Variants in TULP4 observed in about 807,000 individuals in gnomAD.
TULP4 encodes the protein TUB like protein 4.
TULP4 carries 16 observed loss-of-function variants against 129.0 expected under a neutral mutation model. The observed-to-expected ratio is 0.12, with a 90% CI of 0.08 to 0.19. TULP4 has a LOEUF of 0.19. TULP4 is among the 10% of genes least tolerant of loss of function. The probability of loss-of-function intolerance (pLI) is 1.00; values close to 1 mark genes in which losing one functional copy is unlikely to be tolerated. For missense variants in TULP4, 1,842 were observed against 2,059.1 expected (o/e 0.89, Z 2.04); for synonymous variants, 998 against 854.0 (o/e 1.17, Z -2.94).
intron 2 of TULP4, among the ~76,000 whole-genome samples, chr6:158,418,377 G>A (rs974154425): frequency 6.6e-6 from 1 of 150,392 alleles, no homozygotes; most frequent in Non-Finnish European, 1.5e-5. Context: ...CAAAGTGCTG[G>A]AATTGCAGGC....
chr6:158,386,585 T>C (rs908331798), intron 1 of TULP4, among the ~76,000 whole-genome samples: 2 of 152,248 alleles, frequency 1.3e-5, no homozygotes, highest in Non-Finnish European at 2.9e-5. Context: ...AACTGTTATA[T>C]GTAAGAAAGA....
intron 1 of TULP4, among the ~76,000 whole-genome samples, chr6:158,340,311 G>C (rs1025938295): frequency 1.3e-5 from 2 of 152,132 alleles, no homozygotes; most frequent in African/African-American, 2.4e-5. Context: ...CCTAAGTGTT[G>C]AGTATAATCA....
chr6:158,502,270 C>T lies in TULP4; in HGVS notation c.2607C>T (p.Asp869=). The change falls in exon 13 of 14, where the codon GAC becomes GAT. Residue 869 remains aspartate (D), a synonymous_variant. Coordinates refer to ENST00000367097, the MANE Select transcript of TULP4 (RefSeq NM_020245.5). ...PPVDVCLKKG[D]FSLYPTSVHY... ...TGGATGTGTGCTTGAAGAAGGGCGA[C>T]TTCTCCCTCTACCCCACGTCAGTGC... 6.2e-7 allele frequency: 1 copy of T among 1,608,764 alleles called. No individual in the cohort carries two copies. Among genetic ancestry groups the T allele is most frequent in the Non-Finnish European group, 8.5e-7 (1 of 1,177,438 alleles).
At chr6:158,393,409 G>A (rs539357237) in intron 1 of TULP4, among the ~76,000 whole-genome samples, 1 of 152,240 alleles carries the variant, frequency 6.6e-6, no homozygotes, top group Non-Finnish European at 1.5e-5. Context: ...CCCCAGTGGG[G>A]ACTCTGTGTG....
At chr6:158,289,708 G>T (rs1261221207) in intron 1 of TULP4, among the ~76,000 whole-genome samples, 1 of 151,840 alleles carries the variant, frequency 6.6e-6, no homozygotes, top group Non-Finnish European at 1.5e-5. Flanking sequence ...AGCCTTCTGA[G>T]AAGCTGGGAC....
At chr6:158,249,651 C>T (rs558626134) in intron 1 of TULP4, among the ~76,000 whole-genome samples, 8 of 152,272 alleles carry the variant, frequency 5.3e-5, no homozygotes, top group Non-Finnish European at 1.2e-4. Context: ...CTGTGACAGC[C>T]GGGTCTGTGT....
intron 1 of TULP4, among the ~76,000 whole-genome samples, chr6:158,239,099 CAGA>C (rs1777792447): frequency 8.5e-6 from 1 of 117,144 alleles, no homozygotes. Context: ...GCTGGCCGGG[CAGA>C]GGGGCTCCTC....
upstream of TULP4, among the ~76,000 whole-genome samples, chr6:158,309,539 C>T (rs961128367): frequency 6.6e-5 from 10 of 151,636 alleles, no homozygotes; most frequent in East Asian, 2.0e-4. Context: ...CCAAGGCAGG[C>T]GGCTGGGAGA....
At chr6:158,494,175 C>A (rs537007248) in intron 10 of TULP4, among the ~76,000 whole-genome samples, 2 of 152,288 alleles carry the variant, frequency 1.3e-5, no homozygotes, top group East Asian at 1.9e-4. Context: ...CCCTGGTTTG[C>A]CGGGAGAGGC....
chr6:158,436,453 A>G (rs1324381545), intron 3 of TULP4, among the ~76,000 whole-genome samples: 2 of 152,222 alleles, frequency 1.3e-5, no homozygotes, highest in Non-Finnish European at 2.9e-5. Context: ...TGGATGAAAG[A>G]ATGTAGGTAA....
At chr6:158,338,353 C>T (rs898636010) in intron 1 of TULP4, among the ~76,000 whole-genome samples, 4 of 152,162 alleles carry the variant, frequency 2.6e-5, no homozygotes, top group Admixed American at 2.0e-4. Flanking sequence ...TGAATAATAA[C>T]AATCAAAAAC....
intron 1 of TULP4, among the ~76,000 whole-genome samples, chr6:158,255,826 A>G (rs1158621093): frequency 6.6e-6 from 1 of 152,222 alleles, no homozygotes; most frequent in African/African-American, 2.4e-5. Flanking sequence ...AACTGATGCA[A>G]TAGCTGTCAT....
At chr6:158,486,902 G>A (rs982267782) in intron 8 of TULP4, among the ~76,000 whole-genome samples, 3 of 152,130 alleles carry the variant, frequency 2.0e-5, no homozygotes, top group Non-Finnish European at 4.4e-5. Context: ...CCTGAGCTCA[G>A]TAGTTCAAGA....
intron 1 of TULP4, among the ~76,000 whole-genome samples, chr6:158,263,931 C>T (rs1197351963): frequency 6.6e-6 from 1 of 151,536 alleles, no homozygotes; most frequent in African/African-American, 2.4e-5. Flanking sequence ...GGCGTGGTGG[C>T]AGGTGCCTGT....
chr6:158,285,802 C>T (rs552564115), intron 1 of TULP4, among the ~76,000 whole-genome samples: 2 of 152,054 alleles, frequency 1.3e-5, no homozygotes, highest in Admixed American at 6.6e-5. Context: ...ATCTGTTGGC[C>T]GAGGGTCAGG....
chr6:158,273,513 G>T (rs550832156), intron 1 of TULP4, among the ~76,000 whole-genome samples: 1 of 152,318 alleles, frequency 6.6e-6, no homozygotes, highest in Non-Finnish European at 1.5e-5. Flanking sequence ...TCAGATGCAA[G>T]TGTCCAGCTA....
chr6:158,380,784 C>T (rs2114912621), intron 1 of TULP4, among the ~76,000 whole-genome samples: 1 of 150,512 alleles, frequency 6.6e-6, no homozygotes, highest in East Asian at 2.0e-4. Flanking sequence ...GTCCCAGCTA[C>T]TCAGAAGGCT....
intron 6 of TULP4, among the ~76,000 whole-genome samples, chr6:158,469,454 G>A (rs1266503397): frequency 6.6e-6 from 1 of 151,706 alleles, no homozygotes; most frequent in Non-Finnish European, 1.5e-5. Context: ...TGTATTTTTT[G>A]GTAGAGACAG....
Position 158,502,537 on chromosome 6 carries a change from A to G in TULP4, c.2874A>G (p.Pro958=), listed in dbSNP as rs1378025742. The change falls in exon 13 of 14, where the codon CCA becomes CCG. Residue 958 remains proline (P), a synonymous_variant. Coordinates refer to ENST00000367097, the MANE Select transcript of TULP4 (RefSeq NM_020245.5). ...GCTACTCCATCCCCACCGGGGACCCACCCCCGTATCCTGAAATTGCCAGCC... is the reference window on the plus strand; with the variant it reads ...GCTACTCCATCCCCACCGGGGACCCGCCCCCGTATCCTGAAATTGCCAGCC... ...VPRYSIPTGD[P]PPYPEIASQL... is the part of the protein sequence containing the mutation. 3.7e-6 allele frequency: 6 copies of G among 1,608,860 alleles called. No individual in the cohort carries two copies. The African/African-American group carries it at 5.4e-5, about 14-fold the overall frequency.
Sources: allele counts gnomAD v4.1 joint callset (sites outside exome capture counted in the v4.1 genomes callset), GRCh38; gene constraint gnomAD v4.1.1; transcripts MANE v1.5; gene names NCBI Gene and HGNC (gene_info 2026-07-23, HGNC 2026-07-21).